The following LIPA variants were observed in gnomAD, a reference collection of about 807,000 sequenced individuals.
LIPA encodes the protein lipase A, lysosomal acid type, also known as lysosomal acid lipase/cholesteryl ester hydrolase.
LIPA carries 26 observed loss-of-function variants against 40.6 expected under a neutral mutation model. The observed-to-expected ratio is 0.64, with a 90% confidence interval of 0.47 to 0.89. LIPA has a LOEUF of 0.89. Among genes scored for constraint, LIPA ranks in the 40% least tolerant of loss-of-function variants. The pLI is 0.00. For synonymous variants in LIPA, 188 were observed against 168.4 expected, an observed-to-expected ratio of 1.12 and a Z score of -0.90; for missense variants, 455 against 479.6, an observed-to-expected ratio of 0.95 and a Z score of 0.48.
Position 89,355,821 on chromosome 10 carries a change from A to T in LIPA, c.61+56970T>A, listed in dbSNP as rs933096940. ...ATTTAGCATTAGCATGCTAAAAGACACTCCCATCAGCGCCATGGCATTTTG... is the reference window on the plus strand; with the variant it reads ...ATTTAGCATTAGCATGCTAAAAGACTCTCCCATCAGCGCCATGGCATTTTG... On this transcript the variant is annotated intron_variant, in intron 2 of 8. Coordinates refer to the LIPA transcript ENST00000371837. Among the ~76,000 whole-genome samples the T allele has an allele frequency of 5.9e-5, 9 of 152,052 alleles. No homozygotes were observed. The East Asian group carries it at 1.7e-3, about 29-fold the overall frequency.
intron 1 of LIPA, among the ~76,000 whole-genome samples, chr10:89,318,654 C>T (rs567769847): frequency 6.6e-6 from 1 of 152,224 alleles, no homozygotes; most frequent in Non-Finnish European, 1.5e-5. Context: ...GACAGATCAA[C>T]GAGACAGAAA....
At chr10:89,295,020 T>TGAAATGAAAGGAAAGGAAAG (rs1843404448) in intron 1 of LIPA, among the ~76,000 whole-genome samples, 10 of 106,652 alleles carry the variant, frequency 9.4e-5, no homozygotes, top group Admixed American at 2.2e-4. Context: ...GGAAATGAAA[T>TGAAATGAAAGGAAAGGAAAG]GAAAGGAAAG....
chr10:89,399,566 G>T (rs304484), intron 2 of LIPA, among the ~76,000 whole-genome samples: 51,197 of 151,794 alleles, frequency 0.34, 9,577 homozygotes, highest in East Asian at 0.61. Context: ...TAAAGTAAGG[G>T]TCCAACTTTA....
rs530032884 is a variant in LIPA at position 89,325,876 on chromosome 10, C to A, written c.-2+16735G>T. 2.0e-5 allele frequency among the ~76,000 whole-genome samples: 3 copies of A among 151,956 alleles called. No homozygotes were observed. The East Asian group carries it at 5.8e-4, about 29-fold the overall frequency. The stretch of plus-strand genomic sequence containing the variant: ...ACATAAAATATAAGTTAAAAAAAAA[C>A]CTACAATGAGATATGATCTTACCCT... On this transcript the variant is annotated intron_variant, in intron 1 of 5. Transcript: ENST00000282673.
chr10:89,303,025 G>T (rs371325628), intron 1 of LIPA, among the ~76,000 whole-genome samples: 5 of 144,064 alleles, frequency 3.5e-5, no homozygotes, highest in African/African-American at 1.3e-4. Context: ...AAAAAAAAAA[G>T]ATTTGAGATA....
chr10:89,307,617 C>T (rs1025514420), intron 1 of LIPA: 3 of 388,818 alleles, frequency 7.7e-6, no homozygotes, highest in Non-Finnish European at 1.4e-5. Context: ...AATTATTTCT[C>T]GATTGACTTC....
chr10:89,403,567 G>T, intron 2 of LIPA: 1 of 1,614,010 alleles, frequency 6.2e-7, no homozygotes. Context: ...AGGAAACTTC[G>T]GAGAAAGGCA....
Position 89,226,425 on chromosome 10 carries a change from G to A in LIPA, c.538+470C>T, listed in dbSNP as rs897332690. 5.9e-5 allele frequency among the ~76,000 whole-genome samples: 9 copies of A among 152,072 alleles called. No homozygotes were observed. In the East Asian group the frequency reaches 1.7e-3, roughly 29 times the overall value. On this transcript the variant is annotated intron_variant, in intron 5 of 9. Transcript: ENST00000336233. ...GGCAATTTTTATTTTCTTTAATTTTGCTAAATCTTCTGTTCTTCTGTTTTT... is the reference window on the plus strand; with the variant it reads ...GGCAATTTTTATTTTCTTTAATTTTACTAAATCTTCTGTTCTTCTGTTTTT...
In LIPA at chr10:89,228,191, C is replaced by T; in HGVS notation, c.428+9G>A. Reference sequence around the variant, plus strand: ...AAATACATCCATGCCATTATCAATTCATATATACCTGAAAGCCCAGAATTC... The same window carrying T: ...AAATACATCCATGCCATTATCAATTTATATATACCTGAAAGCCCAGAATTC... On this transcript the variant is annotated intron_variant, in intron 4 of 9. Transcript: ENST00000336233. 1 of 1,609,910 alleles carries T rather than the reference C, an allele frequency of 6.2e-7. No homozygotes were observed. The highest frequency in any genetic ancestry group is 8.5e-7 in the Non-Finnish European group (1 of 1,176,146).
chr10:89,281,357 C>T (rs981322688), intron 1 of LIPA, among the ~76,000 whole-genome samples: 2 of 152,130 alleles, frequency 1.3e-5, no homozygotes, highest in African/African-American at 2.4e-5. Flanking sequence ...CTCCTTCATC[C>T]GGCCTGTTGA....
At chr10:89,382,755 A>G (rs984494112) in intron 2 of LIPA, among the ~76,000 whole-genome samples, 1 of 152,234 alleles carries the variant, frequency 6.6e-6, no homozygotes, top group Non-Finnish European at 1.5e-5. Flanking sequence ...AAGTGCACAC[A>G]GGCAAAGGAG....
At chr10:89,327,152 G>C (rs978050371) in intron 1 of LIPA, among the ~76,000 whole-genome samples, 1 of 152,248 alleles carries the variant, frequency 6.6e-6, no homozygotes, top group Non-Finnish European at 1.5e-5. Context: ...TCATTAGAAA[G>C]GAATGTCTGG....
chr10:89,241,781 C>A (rs1842968089), intron 3 of LIPA, among the ~76,000 whole-genome samples: 1 of 152,126 alleles, frequency 6.6e-6, no homozygotes, highest in South Asian at 2.1e-4. Context: ...CTTTCAGATA[C>A]AAATGTGCCA....
In LIPA at chr10:89,245,677, T is replaced by C; in HGVS notation, c.228A>G (p.Lys76=). Residue 76 remains lysine (K), a splice_region_variant and synonymous_variant, in exon 3 of 10, where the codon AAA becomes AAG. Transcript: ENST00000336233. The part of the protein sequence containing the change: ...IPHGRKNHSD[K]GPKPVVFLQH... ...TTACTTTTAAGAGCCTTCCCATACC[T>C]TTGTCAGAATGGTTCTTCCTCCCAT... 1.3e-6 allele frequency: 2 copies of C among 1,521,168 alleles called. No homozygotes were observed. Among genetic ancestry groups the C allele is most frequent in the Admixed American group, 1.7e-5 (1 of 59,890 alleles). 94.2% of individuals were successfully genotyped at this position (1,521,168 alleles called of 1,614,324 possible).
At chr10:89,391,563 C>A (rs1844251604) in intron 2 of LIPA, among the ~76,000 whole-genome samples, 1 of 152,028 alleles carries the variant, frequency 6.6e-6, no homozygotes, top group South Asian at 2.1e-4. Context: ...CGGAGTCTCG[C>A]TCTGTCACCA....
intron 2 of LIPA, among the ~76,000 whole-genome samples, chr10:89,355,780 TAAATTTAGCATTA>T (rs1427389974): frequency 6.6e-6 from 1 of 152,212 alleles, no homozygotes; most frequent in African/African-American, 2.4e-5. Context: ...ATTATAATGC[TAAATTTAGCATTA>T]TAATTTAGCA....
intron 2 of LIPA, among the ~76,000 whole-genome samples, chr10:89,396,401 G>C (rs955693728): frequency 6.6e-6 from 1 of 152,212 alleles, no homozygotes; most frequent in Non-Finnish European, 1.5e-5. Context: ...CTTCTGGTGA[G>C]GGCTTTGGTG....
intron 1 of LIPA, among the ~76,000 whole-genome samples, chr10:89,291,751 A>G (rs547745958): frequency 6.6e-6 from 1 of 152,322 alleles, no homozygotes; most frequent in East Asian, 1.9e-4. Context: ...CCAGAGCAGG[A>G]TACTGTTGTG....
intron 2 of LIPA, among the ~76,000 whole-genome samples, chr10:89,367,492 G>T (rs1270928274): frequency 6.6e-6 from 1 of 152,176 alleles, no homozygotes; most frequent in Non-Finnish European, 1.5e-5. Context: ...GGCTCATCTA[G>T]GCCTATAGAA....
Sources: gnomAD v4.1 joint callset for allele counts (sites outside exome capture counted in the v4.1 genomes callset) on GRCh38, gnomAD v4.1.1 for gene constraint, MANE v1.5 for transcripts, NCBI Gene and HGNC (gene_info 2026-07-23, HGNC 2026-07-21) for gene names.